ANKS1B: variants seen among roughly 807,000 people sequenced by gnomAD.
ANKS1B encodes ankyrin repeat and sterile alpha motif domain-containing protein 1B.
In ANKS1B, 36 loss-of-function variants were observed where a neutral mutation model predicts 148.3. The observed-to-expected ratio is 0.24, with a 90% CI of 0.19 to 0.32. The LOEUF is 0.32. Among genes scored for constraint, ANKS1B ranks in the 10% least tolerant of loss-of-function variants. ANKS1B has a pLI of 1.00. For missense variants in ANKS1B, 1,157 were observed against 1,542.6 expected, an observed-to-expected ratio of 0.75 and a Z score of 4.19; for synonymous variants, 542 against 560.8, an observed-to-expected ratio of 0.97 and a Z score of 0.47.
chr12:99,042,510 T>TTC (rs1207957076), intron 17 of ANKS1B, among the ~76,000 whole-genome samples: 3 of 152,176 alleles, frequency 2.0e-5, no homozygotes, highest in African/African-American at 7.2e-5. Flanking sequence ...ACCCACAAAC[T>TTC]GTAAGCTCAG....
At chr12:99,164,738 AT>A (rs896684039) in intron 14 of ANKS1B, among the ~76,000 whole-genome samples, 3 of 152,154 alleles carry the variant, frequency 2.0e-5, no homozygotes, top group Non-Finnish European at 4.4e-5. Context: ...CATCTGCCTT[AT>A]TCCCAACCAG....
chr12:99,609,898 A>G (rs1022014320), intron 9 of ANKS1B, among the ~76,000 whole-genome samples: 1 of 152,144 alleles, frequency 6.6e-6, no homozygotes, highest in Non-Finnish European at 1.5e-5. Context: ...CAGGCATTAT[A>G]GACAGAGACC....
At chr12:98,742,652 C>T (rs1224007888), downstream of ANKS1B, among the ~76,000 whole-genome samples, 1 of 152,264 alleles carries the variant, frequency 6.6e-6, no homozygotes, top group Non-Finnish European at 1.5e-5. Flanking sequence ...TAAGTTCCAG[C>T]TCCTAGCTAC....
At chr12:99,606,883 T>G (rs538732593) in intron 9 of ANKS1B, among the ~76,000 whole-genome samples, 3 of 152,220 alleles carry the variant, frequency 2.0e-5, no homozygotes, top group African/African-American at 7.2e-5. Context: ...AGCCTTGTCC[T>G]AACCAAAGCC....
intron 14 of ANKS1B, among the ~76,000 whole-genome samples, chr12:99,209,405 C>G (rs2083070990): frequency 6.6e-6 from 1 of 152,142 alleles, no homozygotes; most frequent in Non-Finnish European, 1.5e-5. Context: ...AGATTGTAGC[C>G]TCTTTAACTA....
intron 1 of ANKS1B, among the ~76,000 whole-genome samples, chr12:99,878,582 C>T (rs886940202): frequency 2.0e-5 from 3 of 152,124 alleles, no homozygotes; most frequent in Admixed American, 6.6e-5. Flanking sequence ...CTGGAGAGCT[C>T]CTAAAAGTCA....
intron 1 of ANKS1B, among the ~76,000 whole-genome samples, chr12:99,918,432 G>A (rs2094240281): frequency 6.6e-6 from 1 of 152,154 alleles, no homozygotes; most frequent in Admixed American, 6.5e-5. Flanking sequence ...TTATTTTGGT[G>A]CCTGATTTAA....
intron 12 of ANKS1B, among the ~76,000 whole-genome samples, chr12:99,303,763 T>C (rs1352816695): frequency 6.6e-6 from 1 of 152,108 alleles, no homozygotes; most frequent in Non-Finnish European, 1.5e-5. Flanking sequence ...CAATGTGTAG[T>C]CTTTTATCCC....
chr12:99,880,822 A>C (rs2092433988), intron 1 of ANKS1B, among the ~76,000 whole-genome samples: 1 of 152,246 alleles, frequency 6.6e-6, no homozygotes, highest in South Asian at 2.1e-4. Flanking sequence ...CCATCAAGAC[A>C]GAAGTTCTTA....
At chr12:99,749,168 C>T (rs1232250760) in intron 8 of ANKS1B, among the ~76,000 whole-genome samples, 1 of 152,080 alleles carries the variant, frequency 6.6e-6, no homozygotes, top group Non-Finnish European at 1.5e-5. Context: ...CTCCTATAAG[C>T]TTTGACCTGG....
intron 1 of ANKS1B, among the ~76,000 whole-genome samples, chr12:99,938,894 C>T (rs528680309): frequency 2.6e-5 from 4 of 152,238 alleles, no homozygotes; most frequent in Non-Finnish European, 4.4e-5. Flanking sequence ...CAAGCGGCCC[C>T]GCAGACGCTG....
At chr12:99,089,345 T>C (rs1441715226) in intron 15 of ANKS1B, among the ~76,000 whole-genome samples, 3 of 151,724 alleles carry the variant, frequency 2.0e-5, no homozygotes, top group Non-Finnish European at 1.5e-5. Flanking sequence ...AATAAGCTGT[T>C]CCCCCCCATC....
chr12:99,318,097 G>GATC, intron 12 of ANKS1B, among the ~76,000 whole-genome samples: 2 of 152,092 alleles, frequency 1.3e-5, no homozygotes, highest in Non-Finnish European at 2.9e-5. Flanking sequence ...TTACATCATT[G>GATC]TTCATCAGGA....
intron 9 of ANKS1B, among the ~76,000 whole-genome samples, chr12:99,647,065 G>A (rs1453037120): frequency 1.3e-5 from 2 of 151,564 alleles, no homozygotes; most frequent in Non-Finnish European, 2.9e-5. Context: ...AAAAATAGAA[G>A]TTAAAAAGAA....
intron 15 of ANKS1B, among the ~76,000 whole-genome samples, chr12:99,108,236 A>G (rs2153694268): frequency 6.6e-6 from 1 of 152,352 alleles, no homozygotes; most frequent in South Asian, 2.1e-4. Flanking sequence ...CGAATGACAG[A>G]AAATGCACTT....
chr12:99,893,058 C>A (rs897577022), intron 1 of ANKS1B, among the ~76,000 whole-genome samples: 5 of 152,094 alleles, frequency 3.3e-5, no homozygotes, highest in African/African-American at 1.2e-4. Flanking sequence ...CCAACCTTTT[C>A]TTCTGAGTCA....
intron 17 of ANKS1B, among the ~76,000 whole-genome samples, chr12:98,858,991 A>G (rs2099585684): frequency 6.6e-6 from 1 of 152,230 alleles, no homozygotes; most frequent in Admixed American, 6.5e-5. Context: ...GTGTCTTTCT[A>G]AGATTTCAGG....
chr12:98,875,871 A>G (rs1449766850), intron 17 of ANKS1B, among the ~76,000 whole-genome samples: 1 of 150,678 alleles, frequency 6.6e-6, no homozygotes, highest in Non-Finnish European at 1.5e-5. Context: ...TGATGACACA[A>G]CTGACACACT....
At chr12:99,035,709 G>A (rs899384195) in intron 17 of ANKS1B, among the ~76,000 whole-genome samples, 8 of 152,154 alleles carry the variant, frequency 5.3e-5, no homozygotes, top group South Asian at 2.1e-4. Flanking sequence ...CATGTAAAGC[G>A]GTCCAGGCAG....
Sources: allele counts gnomAD v4.1 joint callset (sites outside exome capture counted in the v4.1 genomes callset), GRCh38; gene constraint gnomAD v4.1.1; transcripts MANE v1.5; gene names NCBI Gene and HGNC (gene_info 2026-07-23, HGNC 2026-07-21).